TMEM132D: variants seen among roughly 807,000 people sequenced by gnomAD.
TMEM132D encodes the protein mature OL transmembrane protein.
In TMEM132D, 21 loss-of-function variants were observed where a neutral mutation model predicts 62.3. The observed-to-expected ratio is 0.34, with a 90% CI of 0.24 to 0.49. TMEM132D has a LOEUF of 0.49. TMEM132D is among the 20% of genes least tolerant of loss of function. The pLI, the probability that TMEM132D is intolerant of heterozygous loss-of-function variation, is 0.99. For synonymous variants in TMEM132D, 621 were observed against 575.6 expected (o/e 1.08, Z -1.13); for missense variants, 1,346 against 1,402.8 (o/e 0.96, Z 0.65).
At chr12:129,868,904 A>G (rs1428022431) in intron 1 of TMEM132D, among the ~76,000 whole-genome samples, 1 of 152,130 alleles carries the variant, frequency 6.6e-6, no homozygotes, top group Non-Finnish European at 1.5e-5. Flanking sequence ...GACATCCAGG[A>G]AAGAGAAAAC....
chr12:129,798,967 A>C (rs1871651475), intron 1 of TMEM132D, among the ~76,000 whole-genome samples: 1 of 152,248 alleles, frequency 6.6e-6, no homozygotes, highest in African/African-American at 2.4e-5. Context: ...AAGAGTTCAC[A>C]TAAAAATATG....
At chr12:129,247,919 C>T (rs962512577) in intron 4 of TMEM132D, among the ~76,000 whole-genome samples, 8 of 151,028 alleles carry the variant, frequency 5.3e-5, no homozygotes, top group African/African-American at 9.8e-5. Flanking sequence ...ACATGAAACT[C>T]GGGTACTTGG....
intron 5 of TMEM132D, among the ~76,000 whole-genome samples, chr12:129,128,352 T>C (rs573937532): frequency 5.3e-5 from 8 of 152,314 alleles, no homozygotes; most frequent in South Asian, 2.1e-4. Context: ...CAGTTCCACA[T>C]GGCTGGGGAG....
intron 5 of TMEM132D, chr12:129,084,956 C>A: frequency 1.8e-6 from 1 of 547,096 alleles, no homozygotes; most frequent in South Asian, 2.6e-5. Context: ...TTGGTGGACT[C>A]CTCCCCAGGG....
intron 3 of TMEM132D, among the ~76,000 whole-genome samples, chr12:129,444,683 C>T (rs541109855): frequency 6.6e-6 from 1 of 152,252 alleles, no homozygotes; most frequent in East Asian, 1.9e-4. Context: ...CATGAACAGA[C>T]ACTTTTCCAA....
chr12:129,209,820 G>A, intron 4 of TMEM132D, 157 bp from the exon 5 acceptor site: 2 of 993,342 alleles, frequency 2.0e-6, no homozygotes, highest in Non-Finnish European at 2.9e-6. Flanking sequence ...GGCTGACCGT[G>A]GCAGCCATGA....
chr12:129,305,118 G>A (rs1198880911), intron 4 of TMEM132D, among the ~76,000 whole-genome samples: 1 of 152,172 alleles, frequency 6.6e-6, no homozygotes, highest in Non-Finnish European at 1.5e-5. Context: ...ACTGAGAGCA[G>A]GGACTTTACC....
intron 2 of TMEM132D, among the ~76,000 whole-genome samples, chr12:129,655,227 G>A (rs570414642): frequency 2.2e-4 from 31 of 143,112 alleles, no homozygotes; most frequent in East Asian, 1.1e-3. Context: ...GAGTACAGGC[G>A]TGAGCCACTG....
rs139274306 is a variant in TMEM132D, at chr12:129,516,198, C to G, written c.1115+14861G>C. ...CTTGGACTCAGACCCTGTGAACCCA[C>G]ATTAACATTCACTTAATCATTTCAC... On this transcript the variant is annotated intron_variant, in intron 3 of 8. Coordinates refer to ENST00000422113, the MANE Select transcript of TMEM132D (RefSeq NM_133448.3). Among the ~76,000 whole-genome samples the G allele has an allele frequency of 3.0e-3, 454 of 152,300 alleles. 4 individuals carry two copies. The highest frequency in any genetic ancestry group is 0.01 in the African/African-American group (434 of 41,554).
At chr12:129,702,671 T>A (rs1398098658) in intron 1 of TMEM132D, among the ~76,000 whole-genome samples, 1 of 152,188 alleles carries the variant, frequency 6.6e-6, no homozygotes, top group Non-Finnish European at 1.5e-5. Flanking sequence ...TGCTTTGCTG[T>A]GATTCTCTAT....
At chr12:129,354,400 T>C (rs745537737) in intron 3 of TMEM132D, among the ~76,000 whole-genome samples, 25 of 152,000 alleles carry the variant, frequency 1.6e-4, no homozygotes, top group Admixed American at 3.3e-4. Flanking sequence ...CTTAGCTTAC[T>C]GCAACCTCCA....
chr12:129,499,838 G>T (rs561916163), intron 3 of TMEM132D, among the ~76,000 whole-genome samples: 1 of 152,122 alleles, frequency 6.6e-6, no homozygotes, highest in Non-Finnish European at 1.5e-5. Flanking sequence ...GGTTCTTAAC[G>T]TTCCCCCTTC....
chr12:129,290,163 T>C lies in TMEM132D; in HGVS notation c.1299+47471A>G, dbSNP rs1398108372. Among the ~76,000 whole-genome samples the C allele has an allele frequency of 2.0e-5, 3 of 152,180 alleles. No individual in the cohort carries two copies. The East Asian group carries it at 5.8e-4, about 29-fold the overall frequency. ...ACATATACTTAAGCTCAACTTATTTTAAAATGAAAAGTTCGCAAGAGAGTC... is the reference window on the plus strand; with the variant it reads ...ACATATACTTAAGCTCAACTTATTTCAAAATGAAAAGTTCGCAAGAGAGTC... On this transcript the variant is annotated intron_variant, in intron 4 of 8. Transcript: ENST00000422113.
intron 1 of TMEM132D, among the ~76,000 whole-genome samples, chr12:129,874,770 C>T (rs1481503702): frequency 6.3e-5 from 9 of 142,368 alleles, no homozygotes; most frequent in Non-Finnish European, 9.0e-5. Flanking sequence ...GGCGCAATCT[C>T]GGCTCACTGC....
intron 3 of TMEM132D, among the ~76,000 whole-genome samples, chr12:129,381,883 C>A (rs764637587): frequency 1.3e-5 from 2 of 152,142 alleles, no homozygotes; most frequent in Non-Finnish European, 2.9e-5. Flanking sequence ...CCAGCATAAC[C>A]ACTTCCTCGG....
At chr12:129,681,450 T>C (rs946287086) in intron 2 of TMEM132D, 6 of 152,198 alleles carry the variant, frequency 3.9e-5, no homozygotes, top group Non-Finnish European at 7.3e-5. Context: ...AAGTGTCTGG[T>C]TGCCTGACAG....
chr12:129,137,254 C>T (rs958478870), intron 5 of TMEM132D, among the ~76,000 whole-genome samples: 3 of 152,066 alleles, frequency 2.0e-5, no homozygotes, highest in African/African-American at 7.2e-5. Flanking sequence ...ACATTATCAC[C>T]ACCATCAACA....
intron 5 of TMEM132D, among the ~76,000 whole-genome samples, chr12:129,144,717 C>T (rs562252567): frequency 6.6e-6 from 1 of 152,152 alleles, no homozygotes; most frequent in Admixed American, 6.5e-5. Context: ...AGCGACCTAC[C>T]TACTGACCTA....
At chr12:129,605,606 C>T (rs376510321) in intron 2 of TMEM132D, among the ~76,000 whole-genome samples, 323 of 37,748 alleles carry the variant, frequency 8.6e-3, no homozygotes, top group African/African-American at 0.014. Context: ...TATATATATA[C>T]ACACACATAT....
Sources: allele counts gnomAD v4.1 joint callset (sites outside exome capture counted in the v4.1 genomes callset), GRCh38; gene constraint gnomAD v4.1.1; transcripts MANE v1.5; gene names NCBI Gene and HGNC (gene_info 2026-07-23, HGNC 2026-07-21).